The following SCAPER variants were observed in gnomAD, a reference collection of about 807,000 sequenced individuals.
The protein encoded by SCAPER is S phase cyclin A-associated protein in the endoplasmic reticulum.
Under a neutral mutation model 182.2 loss-of-function variants are expected in SCAPER, and 98 were observed. That is an observed-to-expected ratio of 0.54 (90% CI 0.46 to 0.64). SCAPER has a LOEUF of 0.64. Ranked by LOEUF, SCAPER falls within the 30% of genes least tolerant of loss-of-function variation. The probability of loss-of-function intolerance (pLI) is 0.00; values close to 1 mark genes in which losing one functional copy is unlikely to be tolerated. For synonymous variants in SCAPER, 605 were observed against 564.6 expected (o/e 1.07, Z -1.01); for missense variants, 1,432 against 1,690.0 (o/e 0.85, Z 2.68).
chr15:76,703,149 A>T lies in SCAPER; in HGVS notation c.2248-147T>A, dbSNP rs59412031. 9.2e-4 allele frequency: 742 copies of T among 806,552 alleles called. 3 individuals are homozygous for T. The African/African-American group carries it at 0.012, about 13-fold the overall frequency. The allele number at this position is 806,552 out of a possible 1,614,324, so 50.0% of individuals were successfully genotyped here. The stretch of plus-strand genomic sequence containing the variant: ...CACACTGAAGACAAAGCTTTACACA[A>T]AGCCCTTTAATATCACCCACATGAA... On this transcript the variant is annotated intron_variant, in intron 18 of 31. Transcript: ENST00000563290.
At chr15:76,444,287 C>T (rs284909) in intron 25 of SCAPER, among the ~76,000 whole-genome samples, 78,595 of 152,034 alleles carry the variant, frequency 0.52, 21,232 homozygotes, top group Non-Finnish European at 0.6. Flanking sequence ...AAAGATTGCA[C>T]TGACATGGTT....
At chr15:76,591,786 G>A (rs2469244) in intron 22 of SCAPER, among the ~76,000 whole-genome samples, 20,460 of 152,190 alleles carry the variant, frequency 0.13, 1,423 homozygotes, top group African/African-American at 0.17. Context: ...AGGCTGGGCC[G>A]CAGTGGCACA....
chr15:76,580,676 A>G (rs1360975980), intron 22 of SCAPER, among the ~76,000 whole-genome samples: 1 of 152,168 alleles, frequency 6.6e-6, no homozygotes, highest in African/African-American at 2.4e-5. Context: ...TACTAAGAGG[A>G]AAGTTTGTAC....
At chr15:76,639,346 G>T (rs954751028) in intron 21 of SCAPER, among the ~76,000 whole-genome samples, 1 of 152,188 alleles carries the variant, frequency 6.6e-6, no homozygotes, top group Admixed American at 6.5e-5. Flanking sequence ...CAAAAAAGTA[G>T]TGACAACCCT....
intron 22 of SCAPER, among the ~76,000 whole-genome samples, chr15:76,574,716 T>G (rs2047695853): frequency 6.6e-6 from 1 of 152,198 alleles, no homozygotes; most frequent in Non-Finnish European, 1.5e-5. Flanking sequence ...CTTCCAAATG[T>G]TTGTTTACAG....
intron 22 of SCAPER, among the ~76,000 whole-genome samples, chr15:76,606,897 A>G (rs1195221241): frequency 6.6e-6 from 1 of 151,686 alleles, no homozygotes; most frequent in Non-Finnish European, 1.5e-5. Flanking sequence ...CTTTATTTTG[A>G]GCCTATGTGT....
intron 27 of SCAPER, among the ~76,000 whole-genome samples, chr15:76,391,307 A>G (rs377723199): frequency 3.3e-5 from 5 of 152,168 alleles, no homozygotes; most frequent in African/African-American, 1.2e-4. Context: ...CTATATTACC[A>G]GGCTTTATTT....
At chr15:76,404,716 A>G in intron 26 of SCAPER, 37 bp from the exon 27 acceptor site, 1 of 1,589,334 alleles carries the variant, frequency 6.3e-7, no homozygotes, top group Non-Finnish European at 8.6e-7. Flanking sequence ...ATCAATCTGA[A>G]TAGGCCAGCA....
chr15:76,726,122 A>AGAATAT (rs1193181865), intron 17 of SCAPER, among the ~76,000 whole-genome samples: 4 of 36,232 alleles, frequency 1.1e-4, no homozygotes, highest in African/African-American at 3.2e-4. Flanking sequence ...GTTAATGTCT[A>AGAATAT]GAATATATAT....
intron 22 of SCAPER, among the ~76,000 whole-genome samples, chr15:76,590,792 T>G (rs949999280): frequency 6.6e-6 from 1 of 152,182 alleles, no homozygotes; most frequent in Non-Finnish European, 1.5e-5. Context: ...AACCTAAGTG[T>G]CCATCAACAG....
At chr15:76,806,506 T>C (rs1321929613) in intron 5 of SCAPER, among the ~76,000 whole-genome samples, 1 of 152,198 alleles carries the variant, frequency 6.6e-6, no homozygotes, top group African/African-American at 2.4e-5. Context: ...TTCAGGATTG[T>C]CTTGGCTATT....
At chr15:76,569,706 T>C (rs1418359619) in intron 23 of SCAPER, among the ~76,000 whole-genome samples, 1 of 152,054 alleles carries the variant, frequency 6.6e-6, no homozygotes. Flanking sequence ...ATCCTTTTTA[T>C]ACTCTTCTTT....
At chr15:76,693,134 A>C (rs757688000) in intron 20 of SCAPER, among the ~76,000 whole-genome samples, 1 of 152,188 alleles carries the variant, frequency 6.6e-6, no homozygotes, top group African/African-American at 2.4e-5. Context: ...AGATTGCATA[A>C]AATATCTAGA....
chr15:76,404,495 T>C, intron 27 of SCAPER, 29 bp downstream of exon 27: 1 of 1,570,784 alleles, frequency 6.4e-7, no homozygotes, highest in South Asian at 1.2e-5. Flanking sequence ...AAAAGTTGAG[T>C]CTAGATTGAG....
chr15:76,537,552 T>C (rs2144674692), intron 23 of SCAPER, among the ~76,000 whole-genome samples: 1 of 152,196 alleles, frequency 6.6e-6, no homozygotes, highest in South Asian at 2.1e-4. Context: ...CCTTACACCT[T>C]ATACAAAAAT....
At chr15:76,425,037 G>A (rs1442559553) in intron 26 of SCAPER, among the ~76,000 whole-genome samples, 1 of 152,092 alleles carries the variant, frequency 6.6e-6, no homozygotes, top group Non-Finnish European at 1.5e-5. Flanking sequence ...CTTTCTCTCT[G>A]GCTGCCCTTA....
intron 1 of SCAPER, among the ~76,000 whole-genome samples, chr15:76,897,670 G>A (rs1207012123): frequency 6.6e-6 from 1 of 152,122 alleles, no homozygotes; most frequent in African/African-American, 2.4e-5. Flanking sequence ...TCACGCCACT[G>A]CACTCCAGCC....
chr15:76,845,546 G>A (rs2069980680), intron 4 of SCAPER, among the ~76,000 whole-genome samples: 1 of 151,522 alleles, frequency 6.6e-6, no homozygotes. Flanking sequence ...ACAAAAACCA[G>A]TTGCATTTCT....
At chr15:76,752,305 T>C (rs149942101) in intron 15 of SCAPER, among the ~76,000 whole-genome samples, 85 of 151,928 alleles carry the variant, frequency 5.6e-4, no homozygotes, top group Middle Eastern at 6.8e-3. Flanking sequence ...GTGAACTACA[T>C]GTAGAAAACA....
Sources: gnomAD v4.1 joint callset for allele counts (sites outside exome capture counted in the v4.1 genomes callset) on GRCh38, gnomAD v4.1.1 for gene constraint, MANE v1.5 for transcripts, NCBI Gene and HGNC (gene_info 2026-07-23, HGNC 2026-07-21) for gene names.